The following ORC5 variants were observed in gnomAD, a reference collection of about 807,000 sequenced individuals.
ORC5 encodes protein phosphatase 1, regulatory subunit 117.
A neutral mutation model predicts 58.8 loss-of-function variants in ORC5; 39 were observed. The ratio of observed to expected loss-of-function variants is 0.66; its 90% CI spans 0.51 to 0.87. The LOEUF is 0.87. ORC5 is among the 40% of genes least tolerant of loss of function. The probability of loss-of-function intolerance (pLI) is 0.00; values close to 1 mark genes in which losing one functional copy is unlikely to be tolerated. For missense variants in ORC5, 493 were observed against 506.3 expected, an observed-to-expected ratio of 0.97 and a Z score of 0.25; for synonymous variants, 218 against 177.6, an observed-to-expected ratio of 1.23 and a Z score of -1.81.
At position 104,204,155 on chromosome 7, in the gene ORC5, A is replaced by T; in HGVS notation, c.152T>A (p.Leu51Ter). ...TTTTATTCTTACCTCTAAAGTTTTC[A>T]ACAACGTTTGTGTTACATAGGTCTT... Reference protein sequence around the residue: ...SGKTYVTQTLLKTLELPHVFV... With the variant: ...SGKTYVTQTL The change falls in exon 2 of 14, where the codon TTG becomes TAG. Residue 51 changes from leucine to a stop codon, truncating the protein, a stop_gained. Transcript: ENST00000297431. LOFTEE classifies it high-confidence loss of function. The T allele has an allele frequency of 6.4e-7, 1 of 1,567,500 alleles. No individual in the cohort carries two copies. The highest frequency in any genetic ancestry group is 8.7e-7 in the Non-Finnish European group (1 of 1,148,132).
intron 6 of ORC5, among the ~76,000 whole-genome samples, chr7:104,185,124 T>C (rs999458022): frequency 6.6e-6 from 1 of 151,394 alleles, no homozygotes. Flanking sequence ...AGCTAATGCA[T>C]GCAGGGCTTA....
intron 3 of ORC5, among the ~76,000 whole-genome samples, chr7:104,198,257 G>C (rs1799849153): frequency 6.6e-6 from 1 of 152,242 alleles, no homozygotes; most frequent in Non-Finnish European, 1.5e-5. Flanking sequence ...GAACAGGATG[G>C]AGGGCTCAGA....
intron 12 of ORC5, among the ~76,000 whole-genome samples, chr7:104,158,810 T>C (rs1344990814): frequency 2.0e-5 from 3 of 151,596 alleles, no homozygotes; most frequent in Non-Finnish European, 4.4e-5. Context: ...ATGGCGATCA[T>C]TAAAAAGTCA....
intron 12 of ORC5, among the ~76,000 whole-genome samples, chr7:104,143,611 G>A (rs866733288): frequency 1.1e-4 from 16 of 151,940 alleles, no homozygotes; most frequent in Admixed American, 3.3e-4. Flanking sequence ...TAGGGGTAGG[G>A]ATGATTTAGG....
chr7:104,200,410 A>C (rs575410106), intron 3 of ORC5, among the ~76,000 whole-genome samples: 90 of 152,250 alleles, frequency 5.9e-4, no homozygotes, highest in African/African-American at 2.1e-3. Context: ...ATATAATTCT[A>C]TCTGAAATTC....
chr7:104,146,945 CATTAT>C (rs1274362903), intron 12 of ORC5, among the ~76,000 whole-genome samples: 1 of 152,090 alleles, frequency 6.6e-6, no homozygotes, highest in Non-Finnish European at 1.5e-5. Context: ...AGAGAATACA[CATTAT>C]GTTTTACAAC....
chr7:104,137,372 C>T (rs1481240878), intron 12 of ORC5, among the ~76,000 whole-genome samples: 1 of 151,972 alleles, frequency 6.6e-6, no homozygotes, highest in East Asian at 1.9e-4. Context: ...CCTGCCTTGG[C>T]CTCCCAAAGG....
At chr7:104,134,241 G>A (rs1293715697) in intron 13 of ORC5, among the ~76,000 whole-genome samples, 4 of 151,776 alleles carry the variant, frequency 2.6e-5, no homozygotes, top group Admixed American at 2.6e-4. Context: ...TGGCCAACAT[G>A]GTGAAACTCT....
intron 3 of ORC5, 114 bp from the exon 4 acceptor site, chr7:104,197,913 T>C: frequency 1.7e-6 from 1 of 595,704 alleles, no homozygotes; most frequent in African/African-American, 1.9e-5. Context: ...ATCCCCAGTG[T>C]GGCAGTATTG....
In ORC5 at chr7:104,161,177, G is replaced by A. The variant is rs1189782668; in HGVS notation, c.1044C>T (p.Ser348=). The A allele has an allele frequency of 1.3e-6, 2 of 1,567,860 alleles. No individual in the cohort carries two copies. Among genetic ancestry groups the A allele is most frequent in the South Asian group, 1.1e-5 (1 of 89,608 alleles). The change falls in exon 12 of 14, where the codon AGC becomes AGT. Residue 348 remains serine, a synonymous_variant. Coordinates refer to ENST00000297431, the MANE Select transcript of ORC5 (RefSeq NM_002553.4). ...ATGGTTTTGGCCCAAGGAGATGATT[G>A]CTTGTCTGTAAAAAACAAAACAAAA... ...TNFLKKHEKT[S]NHLLGPKPFP...
At chr7:104,179,788 G>T (rs191041608) in intron 8 of ORC5, among the ~76,000 whole-genome samples, 1 of 152,060 alleles carries the variant, frequency 6.6e-6, no homozygotes, top group African/African-American at 2.4e-5. Flanking sequence ...TTATATCTCA[G>T]AAGTTTAATG....
chr7:104,163,778 AC>A (rs1290174537), intron 11 of ORC5, among the ~76,000 whole-genome samples: 1 of 152,170 alleles, frequency 6.6e-6, no homozygotes, highest in Non-Finnish European at 1.5e-5. Flanking sequence ...GGTGTGAGGC[AC>A]CCCGCCCAGC....
chr7:104,164,579 T>C (rs539668274), intron 11 of ORC5, among the ~76,000 whole-genome samples: 134 of 152,310 alleles, frequency 8.8e-4, no homozygotes, highest in African/African-American at 3.2e-3. Flanking sequence ...GCAGTTTCTA[T>C]AGTGCAGAGT....
chr7:104,151,305 G>C (rs967275607), intron 12 of ORC5, among the ~76,000 whole-genome samples: 2 of 152,186 alleles, frequency 1.3e-5, no homozygotes, highest in Non-Finnish European at 2.9e-5. Context: ...TAGTGACAAG[G>C]AGACCAGATA....
chr7:104,138,676 AATTTTTTGT>A lies in ORC5; in HGVS notation c.1150-1792_1150-1784del, dbSNP rs1798627674. 6.6e-6 allele frequency among the ~76,000 whole-genome samples: 1 copy of A among 152,038 alleles called. No individual in the cohort carries two copies. Among genetic ancestry groups the A allele is most frequent in the Admixed American group, 6.6e-5 (1 of 15,260 alleles). The stretch of plus-strand genomic sequence containing the variant: ...TAGGCACATGCCACCACACCCAGCT[AATTTTTTGT>A]ATTTTTTGTAGACATGGGGTTTTGC... On this transcript the variant is annotated intron_variant, in intron 12 of 13. Coordinates refer to ENST00000297431, the MANE Select transcript of ORC5 (RefSeq NM_002553.4). The surrounding 1 kb of genome is among the most constrained non-coding windows in gnomAD (Gnocchi z 4.7).
intron 12 of ORC5, among the ~76,000 whole-genome samples, chr7:104,158,406 A>G (rs1223493312): frequency 4.6e-5 from 7 of 152,182 alleles, no homozygotes. Context: ...CATTCAGGAC[A>G]TAGGCATGGG....
intron 6 of ORC5, among the ~76,000 whole-genome samples, chr7:104,186,391 C>A (rs930866646): frequency 6.6e-6 from 1 of 151,998 alleles, no homozygotes; most frequent in Non-Finnish European, 1.5e-5. Flanking sequence ...AACCAATCCC[C>A]CAAGTATACC....
chr7:104,160,489 T>C (rs966452649), intron 12 of ORC5, among the ~76,000 whole-genome samples: 4 of 152,204 alleles, frequency 2.6e-5, no homozygotes, highest in African/African-American at 9.6e-5. Context: ...AGAAATCTAC[T>C]GTGACTATAA....
intron 13 of ORC5, among the ~76,000 whole-genome samples, chr7:104,135,444 T>C (rs979470330): frequency 3.3e-5 from 5 of 152,186 alleles, no homozygotes; most frequent in African/African-American, 4.8e-5. Context: ...ACCTGCATCA[T>C]ATTATCACAG....
Sources: gnomAD v4.1 joint callset for allele counts (sites outside exome capture counted in the v4.1 genomes callset) on GRCh38, gnomAD v4.1.1 for gene constraint, Gnocchi (gnomAD v3.1) non-coding constraint, MANE v1.5 for transcripts, NCBI Gene and HGNC (gene_info 2026-07-23, HGNC 2026-07-21) for gene names.